The following RYR2 variants were observed in gnomAD, a reference collection of about 807,000 sequenced individuals.
The protein encoded by RYR2 is cardiac muscle ryanodine receptor-calcium release channel.
RYR2 carries 227 observed loss-of-function variants against 601.1 expected under a neutral mutation model. That is an observed-to-expected ratio of 0.38 (90% CI 0.34 to 0.42). RYR2 has a LOEUF of 0.42. RYR2 is among the 10% of genes least tolerant of loss of function. The probability of loss-of-function intolerance (pLI) is 1.00; values close to 1 mark genes in which losing one functional copy is unlikely to be tolerated. For missense variants in RYR2, 4,646 were observed against 6,156.5 expected, an observed-to-expected ratio of 0.75 and a Z score of 8.21; for synonymous variants, 2,223 against 2,175.1, an observed-to-expected ratio of 1.02 and a Z score of -0.61.
At chr1:237,432,526 A>T (rs1388634945) in intron 12 of RYR2, among the ~76,000 whole-genome samples, 2 of 152,116 alleles carry the variant, frequency 1.3e-5, no homozygotes, top group Non-Finnish European at 2.9e-5. Flanking sequence ...AAGGGAAGGG[A>T]TGGACATTTT....
At chr1:237,208,613 A>G (rs1682081279) in intron 1 of RYR2, among the ~76,000 whole-genome samples, 1 of 151,984 alleles carries the variant, frequency 6.6e-6, no homozygotes, top group Non-Finnish European at 1.5e-5. Flanking sequence ...AACGTATACA[A>G]TGTGATGTTT....
chr1:237,629,200 C>T (rs1409977422), intron 41 of RYR2, among the ~76,000 whole-genome samples: 4 of 151,700 alleles, frequency 2.6e-5, no homozygotes, highest in Non-Finnish European at 5.9e-5. Flanking sequence ...TTATATAGTT[C>T]GGGGATTTGA....
At chr1:237,223,009 C>T (rs954207191) in intron 1 of RYR2, among the ~76,000 whole-genome samples, 7 of 152,114 alleles carry the variant, frequency 4.6e-5, no homozygotes, top group Non-Finnish European at 8.8e-5. Flanking sequence ...GCGGAGGTTG[C>T]GGTGAGCCAA....
intron 2 of RYR2, among the ~76,000 whole-genome samples, chr1:237,286,598 G>A (rs752025944): frequency 5.8e-4 from 88 of 151,454 alleles, no homozygotes; most frequent in Admixed American, 9.9e-4. Context: ...TTTAAAATTT[G>A]TTTTGTCTGA....
intron 89 of RYR2, among the ~76,000 whole-genome samples, chr1:237,782,818 G>A (rs1178171847): frequency 6.6e-6 from 1 of 152,116 alleles, no homozygotes; most frequent in African/African-American, 2.4e-5. Context: ...AGGAAACTGA[G>A]GTACAGAGAG....
chr1:237,334,801 C>G (rs1337174083), intron 3 of RYR2, among the ~76,000 whole-genome samples: 2 of 152,132 alleles, frequency 1.3e-5, no homozygotes, highest in Non-Finnish European at 2.9e-5. Context: ...TCTTCTTGCT[C>G]TTCAGATCTA....
chr1:237,561,418 G>A (rs1671445937), intron 27 of RYR2, among the ~76,000 whole-genome samples: 1 of 152,190 alleles, frequency 6.6e-6, no homozygotes, highest in African/African-American at 2.4e-5. Flanking sequence ...TATCTTCAGA[G>A]TTAGATGTTG....
At chr1:237,389,943 G>A in intron 10 of RYR2, among the ~76,000 whole-genome samples, 1 of 152,136 alleles carries the variant, frequency 6.6e-6, no homozygotes, top group East Asian at 1.9e-4. Flanking sequence ...ATTGGGCATG[G>A]CCTTATGAAG....
intron 1 of RYR2, among the ~76,000 whole-genome samples, chr1:237,153,580 G>T (rs2148824325): frequency 6.6e-6 from 1 of 150,858 alleles, no homozygotes; most frequent in Non-Finnish European, 1.5e-5. Context: ...AGATAGTCTG[G>T]GGGATGTGTA....
chr1:237,143,873 A>T (rs1419075006), intron 1 of RYR2, among the ~76,000 whole-genome samples: 1 of 152,150 alleles, frequency 6.6e-6, no homozygotes, highest in Non-Finnish European at 1.5e-5. Context: ...TTATTGAATA[A>T]ATATCCTAGC....
At chr1:237,304,910 T>C (rs1360512220) in intron 2 of RYR2, among the ~76,000 whole-genome samples, 2 of 152,174 alleles carry the variant, frequency 1.3e-5, no homozygotes, top group Admixed American at 6.6e-5. Context: ...AAATGACAGA[T>C]GCATTTCACA....
chr1:237,700,353 A>C lies in RYR2; in HGVS notation c.9253A>C (p.Asn3085His). Residue 3085 changes from asparagine to histidine, a missense_variant, in exon 65 of 105, where the codon AAC becomes CAC. Coordinates refer to ENST00000366574, the MANE Select transcript of RYR2 (RefSeq NM_001035.3). ...GCAGGGCCAGTTCACTCACACCCGA[A>C]ACCAGCCCAAAGGGGTTACTCAGAT... ...LKQGQFTHTRNQPKGVTQIIN... is the reference protein window; with the variant it reads ...LKQGQFTHTRHQPKGVTQIIN... 6.2e-7 allele frequency: 1 copy of C among 1,604,420 alleles called. No homozygotes were observed. The highest frequency in any genetic ancestry group is 1.3e-5 in the African/African-American group (1 of 74,884).
intron 8 of RYR2, among the ~76,000 whole-genome samples, chr1:237,380,359 AATATATATAT>A (rs57204036): frequency 1.3e-3 from 37 of 29,302 alleles, no homozygotes; most frequent in African/African-American, 2.7e-3. Flanking sequence ...AGAATACACA[AATATATATAT>A]ATATATATAT....
At chr1:237,277,167 T>C (rs1329907843) in intron 2 of RYR2, among the ~76,000 whole-genome samples, 1 of 152,212 alleles carries the variant, frequency 6.6e-6, no homozygotes, top group African/African-American at 2.4e-5. Context: ...AGAAAAATCC[T>C]TTGAACTTAC....
chr1:237,144,210 G>T (rs1258114540), intron 1 of RYR2, among the ~76,000 whole-genome samples: 8 of 152,042 alleles, frequency 5.3e-5, no homozygotes. Flanking sequence ...ACAGAAATCT[G>T]ACCCTTTTAT....
chr1:237,770,877 A>T lies in RYR2; in HGVS notation c.11547A>T (p.Gly3849=). ...GATTCCTGCAACTACTCTGTGAGGG[A>T]CACAACTCAGGTTTGTGAGTCCCCG... is the stretch of plus-strand genomic sequence containing the variant. ...LFRFLQLLCE[G]HNSDFQNYLR... is the part of the protein sequence containing the mutation. Residue 3849 remains glycine (G), a synonymous_variant, in exon 85 of 105, where the codon GGA becomes GGT. Coordinates refer to ENST00000366574, the MANE Select transcript of RYR2 (RefSeq NM_001035.3). 6.5e-7 allele frequency: 1 copy of T among 1,548,118 alleles called. No individual in the cohort carries two copies. The highest frequency in any genetic ancestry group is 2.4e-5 in the East Asian group (1 of 41,124).
At chr1:237,150,240 G>A (rs1674560726) in intron 1 of RYR2, among the ~76,000 whole-genome samples, 1 of 152,180 alleles carries the variant, frequency 6.6e-6, no homozygotes, top group African/African-American at 2.4e-5. Flanking sequence ...AGAGGTCACA[G>A]TCTTGATCAC....
At chr1:237,237,523 C>T (rs754449947) in intron 1 of RYR2, among the ~76,000 whole-genome samples, 10 of 152,184 alleles carry the variant, frequency 6.6e-5, no homozygotes, top group East Asian at 1.9e-4. Flanking sequence ...CCAGCATACA[C>T]ATTAAAACAG....
intron 8 of RYR2, among the ~76,000 whole-genome samples, chr1:237,384,871 A>G (rs1354931835): frequency 1.3e-5 from 2 of 151,446 alleles, no homozygotes; most frequent in South Asian, 2.1e-4. Flanking sequence ...CCTACCTTCC[A>G]TATCCATTTA....
Sources: gnomAD v4.1 joint callset for allele counts (sites outside exome capture counted in the v4.1 genomes callset) on GRCh38, gnomAD v4.1.1 for gene constraint, MANE v1.5 for transcripts, NCBI Gene and HGNC (gene_info 2026-07-23, HGNC 2026-07-21) for gene names.